The following HDAC8 variants were observed in gnomAD, a reference collection of about 807,000 sequenced individuals.
HDAC8 encodes histone deacetylase 8.
HDAC8 carries 1 observed loss-of-function variant against 32.2 expected under a neutral mutation model. That is an observed-to-expected ratio of 0.03 (90% CI 0.01 to 0.15). The LOEUF (loss-of-function observed/expected upper bound fraction) is 0.15, where lower values mean the gene tolerates loss of function less well. Among genes scored for constraint, HDAC8 ranks in the 10% least tolerant of loss-of-function variants. The pLI is 1.00. For missense variants in HDAC8, 117 were observed against 300.0 expected, an observed-to-expected ratio of 0.39 and a Z score of 4.51; for synonymous variants, 108 against 113.9, an observed-to-expected ratio of 0.95 and a Z score of 0.33.
intron 4 of HDAC8, among the ~76,000 whole-genome samples, chrX:72,525,761 C>T (rs2050127387): frequency 1.1e-5 from 1 of 90,854 alleles, no homozygotes; most frequent in African/African-American, 4.2e-5. Flanking sequence ...TTGCAGTGAG[C>T]CGAGATCGCG....
intron 9 of HDAC8, among the ~76,000 whole-genome samples, chrX:72,387,049 C>G (rs1555961711): frequency 2.7e-5 from 3 of 112,088 alleles, no homozygotes; most frequent in South Asian, 3.7e-4. Flanking sequence ...ACCGAAAACT[C>G]TACTCTTCCT....
At chrX:72,442,336 C>A (rs2047182961) in intron 9 of HDAC8, among the ~76,000 whole-genome samples, 1 of 111,728 alleles carries the variant, frequency 9.0e-6, no homozygotes, top group Non-Finnish European at 1.9e-5. Context: ...CAGCGGATCT[C>A]TCGGCAGAAA....
rs782572742 is a variant in HDAC8, at chrX:72,408,626, G to A, written c.1005+53378C>T. Reference sequence around the variant, plus strand: ...TCACCATGTTGGCCAGGCTGGTCTCGAACTCTTGACCTCAAGTGATCTACC... The same window carrying A: ...TCACCATGTTGGCCAGGCTGGTCTCAAACTCTTGACCTCAAGTGATCTACC... On this transcript the variant is annotated intron_variant, in intron 9 of 10. Transcript: ENST00000373573. Among the ~76,000 whole-genome samples, 10 of 111,507 alleles carry A rather than the reference G, an allele frequency of 9.0e-5. No homozygotes were observed. In the East Asian group the frequency reaches 1.4e-3, roughly 16 times the overall value.
At chrX:72,534,740 G>A (rs1331122498) in intron 4 of HDAC8, among the ~76,000 whole-genome samples, 1 of 111,972 alleles carries the variant, frequency 8.9e-6, no homozygotes, top group East Asian at 2.8e-4. Context: ...CAAGGGGCCC[G>A]TCATAGTAGA....
At chrX:72,420,584 G>A (rs1264769203) in intron 9 of HDAC8, among the ~76,000 whole-genome samples, 4 of 111,677 alleles carry the variant, frequency 3.6e-5, no homozygotes, top group African/African-American at 1.3e-4. Context: ...ATTATTCTCT[G>A]TACCTATTAT....
chrX:72,330,576 C>A (rs1157745015), intron 10 of HDAC8, among the ~76,000 whole-genome samples: 2 of 111,774 alleles, frequency 1.8e-5, no homozygotes, highest in African/African-American at 3.3e-5. Flanking sequence ...CTTGTGAGTA[C>A]CTGTGAAACA....
chrX:72,470,693 G>T (rs1395940863), intron 7 of HDAC8, among the ~76,000 whole-genome samples: 3 of 111,527 alleles, frequency 2.7e-5, no homozygotes, highest in Non-Finnish European at 5.7e-5. Context: ...TAAAGGTAGA[G>T]AGACCTCTCG....
intron 9 of HDAC8, among the ~76,000 whole-genome samples, chrX:72,454,025 C>T (rs1393276064): frequency 9.0e-6 from 1 of 111,621 alleles, no homozygotes; most frequent in African/African-American, 3.3e-5. Context: ...AGCAGACCTA[C>T]GGTATAAGAA....
intron 10 of HDAC8, among the ~76,000 whole-genome samples, chrX:72,340,748 G>A (rs1375870540): frequency 9.0e-6 from 1 of 111,578 alleles, no homozygotes; most frequent in Admixed American, 9.5e-5. Flanking sequence ...GAGCCAACAA[G>A]TAATGCCAGT....
chrX:72,516,942 T>C (rs1359261329), intron 4 of HDAC8, among the ~76,000 whole-genome samples: 1 of 112,178 alleles, frequency 8.9e-6, no homozygotes, highest in Non-Finnish European at 1.9e-5. Flanking sequence ...TTGTTGTTCC[T>C]CAGAAGCTTC....
intron 9 of HDAC8, among the ~76,000 whole-genome samples, chrX:72,448,753 C>A (rs2047489339): frequency 8.9e-6 from 1 of 111,882 alleles, no homozygotes; most frequent in Admixed American, 9.5e-5. Flanking sequence ...AAACAAACAT[C>A]AAAAAGTAGG....
At chrX:72,355,771 G>C (rs2044328921) in intron 9 of HDAC8, among the ~76,000 whole-genome samples, 1 of 111,698 alleles carries the variant, frequency 9.0e-6, no homozygotes, top group South Asian at 3.8e-4. Flanking sequence ...GAAGCCCTAA[G>C]GTTGCTGTTA....
rs1348455045 is a variant in HDAC8 at position 72,329,961 on chromosome X, C to A, written c.*93G>T. 7.5e-6 allele frequency: 7 copies of A among 934,523 alleles called. No homozygotes were observed. In the Admixed American group the frequency reaches 1.3e-4, roughly 17 times the overall value. The allele number at this position is 934,523 out of a possible 1,213,427, so 77.0% of individuals were successfully genotyped here. ...AGTAATTTCTTTCAAATTTTCCCTG[C>A]AGTCACAAATTCCACAAACTGCTTG... On this transcript the variant is annotated 3_prime_UTR_variant, in exon 11 of 11. Transcript: ENST00000373573.
At chrX:72,499,514 G>A (rs1293027696) in intron 4 of HDAC8, among the ~76,000 whole-genome samples, 1 of 111,282 alleles carries the variant, frequency 9.0e-6, no homozygotes, top group Non-Finnish European at 1.9e-5. Context: ...ATAATTACAT[G>A]GAAACTAAAC....
chrX:72,502,128 C>T (rs1427809988), intron 4 of HDAC8, among the ~76,000 whole-genome samples: 1 of 111,761 alleles, frequency 8.9e-6, no homozygotes, highest in African/African-American at 3.3e-5. Context: ...ATAATACATG[C>T]TGGCGAGGTT....
At chrX:72,440,502 C>A (rs1465775945) in intron 9 of HDAC8, among the ~76,000 whole-genome samples, 1 of 111,174 alleles carries the variant, frequency 9.0e-6, no homozygotes, top group Non-Finnish European at 1.9e-5. Flanking sequence ...GATAGAGACA[C>A]AAAAAACCCT....
At chrX:72,358,177 A>G (rs1555951408) in intron 9 of HDAC8, among the ~76,000 whole-genome samples, 2 of 111,350 alleles carry the variant, frequency 1.8e-5, no homozygotes, top group African/African-American at 6.5e-5. Flanking sequence ...TCAGCCTCCC[A>G]AATTGCTGGG....
At chrX:72,514,037 A>T (rs2049695092) in intron 4 of HDAC8, among the ~76,000 whole-genome samples, 1 of 112,577 alleles carries the variant, frequency 8.9e-6, no homozygotes. Context: ...CTTAAAATGG[A>T]AATGACTTGA....
chrX:72,530,426 T>A, intron 4 of HDAC8, among the ~76,000 whole-genome samples: 1 of 108,261 alleles, frequency 9.2e-6, no homozygotes, highest in African/African-American at 3.4e-5. Context: ...TGCTGAATAC[T>A]CATATGCTAT....
Sources: gnomAD v4.1 joint callset for allele counts (sites outside exome capture counted in the v4.1 genomes callset) on GRCh38, gnomAD v4.1.1 for gene constraint, MANE v1.5 for transcripts, NCBI Gene and HGNC (gene_info 2026-07-23, HGNC 2026-07-21) for gene names.